PALLD: variants seen among roughly 807,000 people sequenced by gnomAD.
PALLD encodes the protein palladin.
A neutral mutation model predicts 123.5 loss-of-function variants in PALLD; 61 were observed. The observed-to-expected ratio is 0.49, with a 90% confidence interval of 0.40 to 0.61. The LOEUF is 0.61. Ranked by LOEUF, PALLD falls within the 20% of genes least tolerant of loss-of-function variation. The pLI is 0.00. For synonymous variants in PALLD, 465 were observed against 496.4 expected (o/e 0.94, Z 0.84); for missense variants, 1,273 against 1,377.0 (o/e 0.92, Z 1.20).
At chr4:168,539,761 A>G in intron 2 of PALLD, among the ~76,000 whole-genome samples, 1 of 152,150 alleles carries the variant, frequency 6.6e-6, no homozygotes. Context: ...CTTCCAAACT[A>G]AAACACAGCT....
intron 10 of PALLD, among the ~76,000 whole-genome samples, chr4:168,822,242 T>A (rs191420827): frequency 6.8e-6 from 1 of 146,784 alleles, no homozygotes; most frequent in East Asian, 2.0e-4. Context: ...TTTTACATAC[T>A]AGAGCTTTTG....
intron 10 of PALLD, among the ~76,000 whole-genome samples, chr4:168,889,166 G>GTGTGTGTGTGTGT (rs567772815): frequency 9.4e-5 from 13 of 137,948 alleles, no homozygotes; most frequent in African/African-American, 1.1e-4. Flanking sequence ...GTGTGTGTGT[G>GTGTGTGTGTGTGT]GTTTTTTTTT....
chr4:168,702,483 G>A (rs1306165303), intron 8 of PALLD, among the ~76,000 whole-genome samples: 1 of 152,186 alleles, frequency 6.6e-6, no homozygotes, highest in Non-Finnish European at 1.5e-5. Flanking sequence ...GAATCTGGAA[G>A]GCGGAGGTTG....
intron 10 of PALLD, among the ~76,000 whole-genome samples, chr4:168,762,955 C>T (rs1733155861): frequency 6.6e-6 from 1 of 152,106 alleles, no homozygotes; most frequent in African/African-American, 2.4e-5. Flanking sequence ...TGTTCTCACT[C>T]ATAAGTGGGA....
intron 2 of PALLD, among the ~76,000 whole-genome samples, chr4:168,608,847 A>T (rs902773102): frequency 9.4e-5 from 13 of 138,942 alleles, no homozygotes; most frequent in African/African-American, 3.2e-4. Flanking sequence ...GAAAGCTATA[A>T]CTATTTTTTT....
chr4:168,894,491 G>A (rs946641114), intron 11 of PALLD, 88 bp from the exon 12 acceptor site: 2 of 795,470 alleles, frequency 2.5e-6, no homozygotes, highest in Non-Finnish European at 4.3e-6. Context: ...AATCATGAAA[G>A]TGTGTTGTTT....
chr4:168,727,726 G>C (rs1003816469), intron 10 of PALLD, among the ~76,000 whole-genome samples: 1 of 152,076 alleles, frequency 6.6e-6, no homozygotes, highest in Non-Finnish European at 1.5e-5. Flanking sequence ...GATCCCACTT[G>C]TCAATTTTTG....
intron 10 of PALLD, among the ~76,000 whole-genome samples, chr4:168,719,339 C>A (rs1341423604): frequency 7.0e-6 from 1 of 142,254 alleles, no homozygotes; most frequent in Non-Finnish European, 1.5e-5. Flanking sequence ...CTCACTGCAA[C>A]CTCCGCCTCC....
chr4:168,660,107 G>A (rs1428161084), intron 2 of PALLD, among the ~76,000 whole-genome samples: 1 of 152,170 alleles, frequency 6.6e-6, no homozygotes, highest in African/African-American at 2.4e-5. Context: ...GTGTACTGCA[G>A]CTCCAGTATA....
chr4:168,920,958 C>A (rs951389584), intron 17 of PALLD, among the ~76,000 whole-genome samples: 8 of 152,250 alleles, frequency 5.3e-5, no homozygotes, highest in Middle Eastern at 3.4e-3. Flanking sequence ...TAGCCCTGGG[C>A]AAGGTAAGAC....
intron 10 of PALLD, among the ~76,000 whole-genome samples, chr4:168,751,044 C>T (rs1236956928): frequency 6.7e-6 from 1 of 148,640 alleles, no homozygotes; most frequent in South Asian, 2.1e-4. Flanking sequence ...TGGAGTTTTG[C>T]TATTGTTGCC....
intron 6 of PALLD, among the ~76,000 whole-genome samples, chr4:168,687,983 C>G (rs999865898): frequency 2.0e-5 from 3 of 152,208 alleles, no homozygotes; most frequent in Non-Finnish European, 4.4e-5. Context: ...CTCCAGCCTT[C>G]CACTTTCTGT....
chr4:168,666,765 A>T (rs1483910800), intron 2 of PALLD, among the ~76,000 whole-genome samples: 1 of 152,208 alleles, frequency 6.6e-6, no homozygotes, highest in African/African-American at 2.4e-5. Flanking sequence ...TCTGCTGGTG[A>T]TGGAGAGACC....
At chr4:168,865,202 G>T (rs1750089277) in intron 10 of PALLD, among the ~76,000 whole-genome samples, 3 of 152,250 alleles carry the variant, frequency 2.0e-5, no homozygotes. Flanking sequence ...GTCAAGGTCA[G>T]CTGGTCAAAA....
At chr4:168,606,663 CA>C (rs70961540) in intron 2 of PALLD, among the ~76,000 whole-genome samples, 38,769 of 92,026 alleles carry the variant, frequency 0.42, 5,249 homozygotes, top group East Asian at 0.71. Flanking sequence ...GACTCCGTCT[CA>C]AAAAAAAAAA....
intron 10 of PALLD, among the ~76,000 whole-genome samples, chr4:168,816,406 TATATATA>T (rs1741938391): frequency 1.4e-5 from 2 of 138,372 alleles, no homozygotes; most frequent in African/African-American, 5.6e-5. Context: ...TATATATATA[TATATATA>T]TTTTTTTTAA....
chr4:168,547,454 C>T (rs971680570), intron 2 of PALLD, among the ~76,000 whole-genome samples: 1 of 150,908 alleles, frequency 6.6e-6, no homozygotes, highest in Non-Finnish European at 1.5e-5. Context: ...GGCATGGTGG[C>T]TCATGTCTGT....
intron 2 of PALLD, among the ~76,000 whole-genome samples, chr4:168,630,964 A>G (rs556652835): frequency 6.6e-6 from 1 of 152,356 alleles, no homozygotes; most frequent in East Asian, 1.9e-4. Flanking sequence ...AGACTGCAGG[A>G]CAACCAGACG....
At chr4:168,861,422 G>C (rs1434814079) in intron 10 of PALLD, among the ~76,000 whole-genome samples, 1 of 152,092 alleles carries the variant, frequency 6.6e-6, no homozygotes, top group Non-Finnish European at 1.5e-5. Context: ...ATTGGACTGG[G>C]AAGAAAAAGT....
Sources: gnomAD v4.1 joint callset for allele counts (sites outside exome capture counted in the v4.1 genomes callset) on GRCh38, gnomAD v4.1.1 for gene constraint, MANE v1.5 for transcripts, NCBI Gene and HGNC (gene_info 2026-07-23, HGNC 2026-07-21) for gene names.